KMT2A: variants seen among roughly 807,000 people sequenced by gnomAD.
KMT2A encodes the protein lysine methyltransferase 2A.
A neutral mutation model predicts 345.3 loss-of-function variants in KMT2A; 16 were observed. The ratio of observed to expected loss-of-function variants is 0.05; its 90% CI spans 0.03 to 0.07. The LOEUF (loss-of-function observed/expected upper bound fraction) is 0.07, where lower values mean the gene tolerates loss of function less well. Among genes scored for constraint, KMT2A ranks in the 10% least tolerant of loss-of-function variants. The probability of loss-of-function intolerance (pLI) is 1.00; values close to 1 mark genes in which losing one functional copy is unlikely to be tolerated. For synonymous variants in KMT2A, 1,599 were observed against 1,778.6 expected (o/e 0.90, Z 2.54); for missense variants, 3,272 against 4,841.6 (o/e 0.68, Z 9.62).
intron 1 of KMT2A, among the ~76,000 whole-genome samples, chr11:118,437,451 T>C (rs1949213964): frequency 6.6e-6 from 1 of 151,914 alleles, no homozygotes; most frequent in Admixed American, 6.6e-5. Flanking sequence ...TTCCAGCACC[T>C]TGCTTTCGAA....
chr11:118,516,375 G>A (rs1354666371), intron 31 of KMT2A, among the ~76,000 whole-genome samples: 1 of 152,174 alleles, frequency 6.6e-6, no homozygotes, highest in Non-Finnish European at 1.5e-5. Flanking sequence ...CTAGAAGGCT[G>A]AGGAAGGAGA....
intron 8 of KMT2A, 89 bp downstream of exon 8, chr11:118,482,584 C>A: frequency 1.1e-6 from 1 of 925,594 alleles, no homozygotes; most frequent in Non-Finnish European, 1.7e-6. Context: ...ATGTAGATGG[C>A]AGTGGAATTT....
At position 118,523,588 on chromosome 11, in the gene KMT2A, T is replaced by G. The variant is rs1377076908; in HGVS notation, c.*1416T>G. On this transcript the variant is annotated 3_prime_UTR_variant, in exon 36 of 36. Coordinates refer to ENST00000534358, the MANE Select transcript of KMT2A (RefSeq NM_001197104.2). ...ATAAATGTAAATATATTTTGTATAT[T>G]TTTCTATGAGAAGCACTTCATAGGG... is the stretch of plus-strand genomic sequence containing the variant. 3 of 227,444 alleles carry G rather than the reference T, an allele frequency of 1.3e-5. No individual in the cohort carries two copies. The highest frequency in any genetic ancestry group is 2.2e-5 in the African/African-American group (1 of 45,004). 14.1% of individuals were successfully genotyped at this position (227,444 alleles called of 1,614,324 possible).
At chr11:118,441,397 C>T (rs1487650972) in intron 1 of KMT2A, among the ~76,000 whole-genome samples, 1 of 152,036 alleles carries the variant, frequency 6.6e-6, no homozygotes, top group African/African-American at 2.4e-5. Context: ...GGAAGTTGAC[C>T]AGTTTCATTT....
At chr11:118,448,750 T>C (rs545561953) in intron 1 of KMT2A, 41 of 152,340 alleles carry the variant, frequency 2.7e-4, no homozygotes, top group African/African-American at 9.6e-4. Context: ...ATGAATGGTC[T>C]CTACTTTTAA....
intron 1 of KMT2A, among the ~76,000 whole-genome samples, chr11:118,456,719 C>A (rs2134215224): frequency 6.6e-6 from 1 of 152,276 alleles, no homozygotes; most frequent in African/African-American, 2.4e-5. Flanking sequence ...ATATTCTTTC[C>A]CTGGGTGACT....
At chr11:118,464,390 C>G (rs1555033611) in intron 1 of KMT2A, among the ~76,000 whole-genome samples, 1 of 152,038 alleles carries the variant, frequency 6.6e-6, no homozygotes, top group Non-Finnish European at 1.5e-5. Flanking sequence ...ACAAAAATAA[C>G]CAGGTGTAGT....
Position 118,472,632 on chromosome 11 carries a change from G to A in KMT2A, c.1473G>A (p.Gln491=). 7 of 1,612,332 alleles carry A rather than the reference G, an allele frequency of 4.3e-6. No individual in the cohort carries two copies. The highest frequency in any genetic ancestry group is 5.9e-6 in the Non-Finnish European group (7 of 1,179,752). The part of the protein sequence containing the change: ...SPSVDTSTDS[Q]ASEEIQVLPE... ...GTGTTGATACCTCCACAGACTCTCA[G>A]GCTTCTGAGGAGATTCAGGTACTTC... The change falls in exon 3 of 36, where the codon CAG becomes CAA. Residue 491 remains glutamine, a synonymous_variant. Coordinates refer to ENST00000534358, the MANE Select transcript of KMT2A (RefSeq NM_001197104.2).
At position 118,495,942 on chromosome 11, in the gene KMT2A, T is replaced by C; in HGVS notation, c.5557+49T>C. Reference sequence around the variant, plus strand: ...TCACCCATTTCCCTCTAGATGCAGATGATTGACTTCGTGAATCCAATTCAC... The same window carrying C: ...TCACCCATTTCCCTCTAGATGCAGACGATTGACTTCGTGAATCCAATTCAC... On this transcript the variant is annotated intron_variant, in intron 19 of 35. Coordinates refer to ENST00000534358, the MANE Select transcript of KMT2A (RefSeq NM_001197104.2). This position sits in a 1 kb window ranked among gnomAD's most constrained non-coding sequence, Gnocchi z 4.1. The C allele has an allele frequency of 1.4e-6, 2 of 1,448,636 alleles. No individual in the cohort carries two copies. The highest frequency in any genetic ancestry group is 1.9e-6 in the Non-Finnish European group (2 of 1,058,794). 89.7% of individuals were successfully genotyped at this position (1,448,636 alleles called of 1,614,324 possible).
At position 118,505,823 on chromosome 11, in the gene KMT2A, G is replaced by A. The variant is rs782218480; in HGVS notation, c.9931G>A (p.Gly3311Arg). The A allele has an allele frequency of 1.2e-6, 2 of 1,614,154 alleles. No homozygotes were observed. Among genetic ancestry groups the A allele is most frequent in the Non-Finnish European group, 1.7e-6 (2 of 1,180,022 alleles). ...PAPLLPQSVG[G>R]TAATAAGTST... ...ACCCCTGTTACCACAGAGTGTGGGA[G>A]GAACTGCTGCCACAGCGGCAGGCAC... is the stretch of plus-strand genomic sequence containing the variant. Residue 3311 changes from glycine to arginine, a missense_variant, in exon 27 of 36, where the codon GGA becomes AGA. By Grantham distance (125) the Gly-to-Arg change is moderately radical (BLOSUM62 -2). Coordinates refer to ENST00000534358, the MANE Select transcript of KMT2A (RefSeq NM_001197104.2). This position sits in a 1 kb window ranked among gnomAD's most constrained non-coding sequence, Gnocchi z 4.6.
intron 10 of KMT2A, among the ~76,000 whole-genome samples, chr11:118,486,894 A>C (rs950082617): frequency 2.6e-5 from 4 of 152,080 alleles, no homozygotes; most frequent in African/African-American, 9.7e-5. Context: ...TCTCAAAAAA[A>C]TTTTTAAAAA....
intron 2 of KMT2A, among the ~76,000 whole-genome samples, chr11:118,470,278 G>A (rs1459753618): frequency 6.6e-6 from 1 of 152,070 alleles, no homozygotes; most frequent in South Asian, 2.1e-4. Context: ...ATGTATTTCC[G>A]GGCAGGAGTT....
chr11:118,489,231 C>CA (rs11412289), intron 11 of KMT2A, among the ~76,000 whole-genome samples: 70,051 of 90,602 alleles, frequency 0.77, 27,180 homozygotes, highest in Non-Finnish European at 0.84. Flanking sequence ...GACTCCATCT[C>CA]AAAAAAAAAA....
chr11:118,436,597 G>T lies in KMT2A; in HGVS notation c.85G>T (p.Gly29Cys). 8.6e-7 allele frequency: 1 copy of T among 1,168,124 alleles called. No individual in the cohort carries two copies. The highest frequency in any genetic ancestry group is 1.1e-6 in the Non-Finnish European group (1 of 941,504). The allele number at this position is 1,168,124 out of a possible 1,614,324, so 72.4% of individuals were successfully genotyped here. A position where few individuals can be genotyped will look rare whatever the true frequency, so the allele number is the denominator to read the frequency against. ...GGGGGRRGLGGAPRQRVPALL... is the reference protein window; with the variant it reads ...GGGGGRRGLGCAPRQRVPALL... Reference sequence around the variant, plus strand: ...CGGCGGGGGGCGCCGGGGCCTAGGGGGCGCCCCGCGGCAACGCGTCCCGGC... The same window carrying T: ...CGGCGGGGGGCGCCGGGGCCTAGGGTGCGCCCCGCGGCAACGCGTCCCGGC... The change falls in exon 1 of 36, where the codon GGC becomes TGC. Residue 29 changes from glycine (G) to cysteine (C), a missense_variant. Transcript: ENST00000534358. This position sits in a 1 kb window ranked among gnomAD's most constrained non-coding sequence, Gnocchi z 6.9.
Position 118,497,891 on chromosome 11 carries a change from T to G in KMT2A, c.5665-45T>G, listed in dbSNP as rs1555044455. 1 of 1,507,806 alleles carries G rather than the reference T, an allele frequency of 6.6e-7. No individual in the cohort carries two copies. Among genetic ancestry groups the G allele is most frequent in the African/African-American group, 1.4e-5 (1 of 72,360 alleles). The allele number at this position is 1,507,806 out of a possible 1,614,324, so 93.4% of individuals were successfully genotyped here. On this transcript the variant is annotated intron_variant, in intron 20 of 35. Coordinates refer to ENST00000534358, the MANE Select transcript of KMT2A (RefSeq NM_001197104.2). This position sits in a 1 kb window ranked among gnomAD's most constrained non-coding sequence, Gnocchi z 4.8. ...AGCTAATGCCGAGGAAAACCTCCTT[T>G]GGCATTATATTCTTTAGGAAAAAAG...
chr11:118,504,844 A>C lies in KMT2A; in HGVS notation c.8952A>C (p.Val2984=). The C allele has an allele frequency of 1.2e-6, 2 of 1,614,098 alleles. No individual in the cohort carries two copies. Among genetic ancestry groups the C allele is most frequent in the Non-Finnish European group, 1.7e-6 (2 of 1,179,936 alleles). Residue 2984 remains valine, a synonymous_variant, in exon 27 of 36, where the codon GTA becomes GTC. Coordinates refer to ENST00000534358, the MANE Select transcript of KMT2A (RefSeq NM_001197104.2). This position sits in a 1 kb window ranked among gnomAD's most constrained non-coding sequence, Gnocchi z 6.4. ...ACCCAGCACTGCTGAGCCCAGGAGTAGATCCAACTCCTGAAGGCCACATGA... is the reference window on the plus strand; with the variant it reads ...ACCCAGCACTGCTGAGCCCAGGAGTCGATCCAACTCCTGAAGGCCACATGA... ...ESDPALLSPG[V]DPTPEGHMTP...
rs1328690003 is a variant in KMT2A, at chr11:118,494,018, C to A, written c.5179-270C>A. ...GAGCCACTGTTTATTTATTTTAATC[C>A]AAAATAAAAACTGTGGACCTGCTTG... On this transcript the variant is annotated intron_variant, in intron 16 of 35. Transcript: ENST00000534358. This position sits in a 1 kb window ranked among gnomAD's most constrained non-coding sequence, Gnocchi z 5.8. Among the ~76,000 whole-genome samples, 3 of 152,016 alleles carry A rather than the reference C, an allele frequency of 2.0e-5. No individual in the cohort carries two copies. Among genetic ancestry groups the A allele is most frequent in the Non-Finnish European group, 4.4e-5 (3 of 68,004 alleles).
In KMT2A at chr11:118,488,812, T is replaced by C. The variant is rs782508319; in HGVS notation, c.4479+52T>C. 3.8e-6 allele frequency: 6 copies of C among 1,576,280 alleles called. No individual in the cohort carries two copies. In the African/African-American group the frequency reaches 6.8e-5, roughly 18 times the overall value. Reference sequence around the variant, plus strand: ...GCTGGGCCTCTGTATCAGTGGGTTCTGTATCCCTGGACTCAACCAACCTTG... The same window carrying C: ...GCTGGGCCTCTGTATCAGTGGGTTCCGTATCCCTGGACTCAACCAACCTTG... On this transcript the variant is annotated intron_variant, in intron 11 of 35. Coordinates refer to ENST00000534358, the MANE Select transcript of KMT2A (RefSeq NM_001197104.2).
chr11:118,480,331 A>T (rs1950109949), intron 6 of KMT2A, 93 bp downstream of exon 6: 52 of 861,026 alleles, frequency 6.0e-5, no homozygotes, highest in Middle Eastern at 2.2e-4. Context: ...TTTTTTTTTT[A>T]AAGTACAACT....
Sources: allele counts gnomAD v4.1 joint callset (sites outside exome capture counted in the v4.1 genomes callset), GRCh38; gene constraint gnomAD v4.1.1; non-coding constraint Gnocchi (gnomAD v3.1); transcripts MANE v1.5; gene names NCBI Gene and HGNC (gene_info 2026-07-23, HGNC 2026-07-21).